Variants in APBA2 observed in about 807,000 individuals in gnomAD.
The protein encoded by APBA2 is amyloid beta precursor protein binding family A member 2.
APBA2 carries 30 observed loss-of-function variants against 75.0 expected under a neutral mutation model. The ratio of observed to expected loss-of-function variants is 0.40; its 90% CI spans 0.30 to 0.54. The LOEUF (loss-of-function observed/expected upper bound fraction) is 0.54, where lower values mean the gene tolerates loss of function less well. Among genes scored for constraint, APBA2 ranks in the 20% least tolerant of loss-of-function variants. The probability of loss-of-function intolerance (pLI) is 0.49; values close to 1 mark genes in which losing one functional copy is unlikely to be tolerated. For missense variants in APBA2, 801 were observed against 1,016.1 expected, an observed-to-expected ratio of 0.79 and a Z score of 2.88; for synonymous variants, 444 against 409.6, an observed-to-expected ratio of 1.08 and a Z score of -1.01.
chr15:29,113,682 A>AT (rs2044869965), intron 13 of APBA2, among the ~76,000 whole-genome samples, 194 bp from the exon 14 acceptor site: 1 of 152,196 alleles, frequency 6.6e-6, no homozygotes, highest in African/African-American at 2.4e-5. Context: ...CCCACACACC[A>AT]TGGCATTAAC....
At chr15:29,103,252 G>C (rs1245755283) in intron 10 of APBA2, among the ~76,000 whole-genome samples, 1 of 152,214 alleles carries the variant, frequency 6.6e-6, no homozygotes, top group African/African-American at 2.4e-5. Context: ...TTAAAGCCAG[G>C]GTATGCCGTA....
chr15:29,045,317 C>A (rs1285670966), intron 3 of APBA2, among the ~76,000 whole-genome samples: 2 of 149,180 alleles, frequency 1.3e-5, no homozygotes, highest in African/African-American at 2.5e-5. Flanking sequence ...GTCTCAAACT[C>A]AAGACCATGT....
intron 1 of APBA2, among the ~76,000 whole-genome samples, chr15:28,894,843 G>T (rs1468607805): frequency 2.6e-5 from 4 of 151,824 alleles, no homozygotes; most frequent in Non-Finnish European, 5.9e-5. Context: ...CGAGGGGAGG[G>T]TGCGGGGAGG....
chr15:29,107,645 C>T (rs555606181), intron 12 of APBA2, among the ~76,000 whole-genome samples: 75 of 152,292 alleles, frequency 4.9e-4, no homozygotes, highest in African/African-American at 1.8e-3. Context: ...AGGCCTCCAC[C>T]AGTGGCACCA....
At chr15:29,107,719 C>T (rs2044501614) in intron 12 of APBA2, among the ~76,000 whole-genome samples, 1 of 152,172 alleles carries the variant, frequency 6.6e-6, no homozygotes, top group Non-Finnish European at 1.5e-5. Context: ...GCTTGGGTTC[C>T]TCCCTGTGCC....
At chr15:28,944,868 A>G (rs2035454505) in intron 2 of APBA2, among the ~76,000 whole-genome samples, 1 of 152,206 alleles carries the variant, frequency 6.6e-6, no homozygotes, top group Non-Finnish European at 1.5e-5. Context: ...TGCTTGCCCC[A>G]CGTGGGTTCT....
At position 29,105,573 on chromosome 15, in the gene APBA2, C is replaced by T. The variant is rs375117730; in HGVS notation, c.1704+15C>T. 6.2e-7 allele frequency: 1 copy of T among 1,612,738 alleles called. No homozygotes were observed. On this transcript the variant is annotated intron_variant, in intron 11 of 14. Coordinates refer to ENST00000683413, the MANE Select transcript of APBA2 (RefSeq NM_001353788.2). ...ACTGCAAGGAGGTAAGCCACACCCA[C>T]CAGCCTCAGGGAGGCCACATTTGCC...
chr15:29,030,480 AAAT>A (rs775265296), intron 3 of APBA2, among the ~76,000 whole-genome samples: 12 of 151,404 alleles, frequency 7.9e-5, no homozygotes, highest in South Asian at 4.2e-4. Context: ...AAAAATAAAT[AAAT>A]AATAATAATA....
chr15:28,892,366 C>G (rs1288402274), intron 1 of APBA2, among the ~76,000 whole-genome samples: 1 of 152,228 alleles, frequency 6.6e-6, no homozygotes, highest in African/African-American at 2.4e-5. Flanking sequence ...TGAGCCACCA[C>G]GCCTGGCCCA....
chr15:28,990,308 G>A (rs1645122114), intron 2 of APBA2: 1 of 151,908 alleles, frequency 6.6e-6, no homozygotes, highest in South Asian at 2.1e-4. Flanking sequence ...TACTCGGGAG[G>A]CTGAGGCGGG....
chr15:28,902,509 C>T (rs1465485781), intron 1 of APBA2, among the ~76,000 whole-genome samples: 1 of 152,158 alleles, frequency 6.6e-6, no homozygotes, highest in Non-Finnish European at 1.5e-5. Flanking sequence ...ATGTGCTGTC[C>T]TGCAGGAGGT....
intron 2 of APBA2, 110 bp downstream of exon 2, chr15:28,921,859 C>T (rs2033987453): frequency 6.6e-6 from 1 of 152,212 alleles, no homozygotes; most frequent in Non-Finnish European, 1.5e-5. Flanking sequence ...CACGATGGCC[C>T]TCACCTTTCT....
At chr15:29,088,144 C>G (rs1463276029) in intron 6 of APBA2, among the ~76,000 whole-genome samples, 1 of 152,150 alleles carries the variant, frequency 6.6e-6, no homozygotes, top group Non-Finnish European at 1.5e-5. Flanking sequence ...GTGCCCAATA[C>G]ACGAGGTCTC....
chr15:28,996,962 A>G (rs2038560300), intron 3 of APBA2, among the ~76,000 whole-genome samples: 1 of 152,184 alleles, frequency 6.6e-6, no homozygotes, highest in African/African-American at 2.4e-5. Flanking sequence ...TCAGGTTCAG[A>G]ATCACAGTTT....
chr15:29,101,266 G>A (rs1183433411), intron 9 of APBA2, among the ~76,000 whole-genome samples: 2 of 139,400 alleles, frequency 1.4e-5, no homozygotes, highest in South Asian at 4.6e-4. Flanking sequence ...TTTTGCTCTT[G>A]TTGCCCAGGC....
chr15:29,062,096 G>A (rs991577144), intron 4 of APBA2, among the ~76,000 whole-genome samples: 2 of 152,114 alleles, frequency 1.3e-5, no homozygotes, highest in African/African-American at 4.8e-5. Context: ...GGGTTATGGG[G>A]GGCATTGGGG....
chr15:29,087,963 G>A, intron 6 of APBA2, among the ~76,000 whole-genome samples: 1 of 152,090 alleles, frequency 6.6e-6, no homozygotes, highest in Non-Finnish European at 1.5e-5. Context: ...GTCCCACCCT[G>A]CATCTATCCA....
Position 29,098,489 on chromosome 15 carries a change from G to T in APBA2, c.1252-1G>T. Reference sequence around the variant, plus strand: ...TTAACAATATCCACTGTCCTTCTTAGAATTCTGAGGGGGATGCCCAGACGC... The same window carrying T: ...TTAACAATATCCACTGTCCTTCTTATAATTCTGAGGGGGATGCCCAGACGC... On this transcript the variant is annotated splice_acceptor_variant, in intron 8 of 14. Coordinates refer to ENST00000683413, the MANE Select transcript of APBA2 (RefSeq NM_001353788.2). LOFTEE classifies it high-confidence loss of function. 6.2e-7 allele frequency: 1 copy of T among 1,613,326 alleles called. No individual in the cohort carries two copies.
At chr15:28,924,952 T>C (rs2034180111) in intron 2 of APBA2, among the ~76,000 whole-genome samples, 1 of 152,142 alleles carries the variant, frequency 6.6e-6, no homozygotes, top group Admixed American at 6.5e-5. Context: ...CTTTGTTTCA[T>C]GATGGCCAGT....
Sources: allele counts gnomAD v4.1 joint callset (sites outside exome capture counted in the v4.1 genomes callset), GRCh38; gene constraint gnomAD v4.1.1; transcripts MANE v1.5; gene names NCBI Gene and HGNC (gene_info 2026-07-23, HGNC 2026-07-21).